KIAA0232: variants seen among roughly 807,000 people sequenced by gnomAD.
KIAA0232 encodes KIAA0232, also known as uncharacterized protein KIAA0232.
In KIAA0232, 27 loss-of-function variants were observed where a neutral mutation model predicts 122.0. The ratio of observed to expected loss-of-function variants is 0.22; its 90% confidence interval spans 0.16 to 0.31. The LOEUF is 0.31. Ranked by LOEUF, KIAA0232 falls within the 10% of genes least tolerant of loss-of-function variation. The probability of loss-of-function intolerance (pLI) is 1.00; values close to 1 mark genes in which losing one functional copy is unlikely to be tolerated. For synonymous variants in KIAA0232, 613 were observed against 587.6 expected (o/e 1.04, Z -0.63); for missense variants, 1,551 against 1,634.2 (o/e 0.95, Z 0.88).
intron 3 of KIAA0232, among the ~76,000 whole-genome samples, chr4:6,838,176 G>A (rs1230866507): frequency 6.9e-6 from 1 of 144,538 alleles, no homozygotes; most frequent in Non-Finnish European, 1.5e-5. Flanking sequence ...AAGTATGAGG[G>A]TAACAAAGAT....
At chr4:6,837,732 C>T (rs961036162) in intron 3 of KIAA0232, among the ~76,000 whole-genome samples, 3 of 152,152 alleles carry the variant, frequency 2.0e-5, no homozygotes, top group Non-Finnish European at 2.9e-5. Context: ...GCCAACACGG[C>T]GAAACCCCGT....
At chr4:6,851,884 C>G (rs1720305629) in intron 4 of KIAA0232, among the ~76,000 whole-genome samples, 1 of 152,134 alleles carries the variant, frequency 6.6e-6, no homozygotes, top group African/African-American at 2.4e-5. Flanking sequence ...TCCAGCTTCA[C>G]ACAGCACAGC....
chr4:6,873,297 C>G (rs978450389), intron 8 of KIAA0232, among the ~76,000 whole-genome samples: 1 of 152,214 alleles, frequency 6.6e-6, no homozygotes, highest in Non-Finnish European at 1.5e-5. Flanking sequence ...GAAGTTTTGC[C>G]CTCTACAGCA....
At chr4:6,789,496 A>G (rs1196786253) in intron 1 of KIAA0232, among the ~76,000 whole-genome samples, 1 of 121,798 alleles carries the variant, frequency 8.2e-6, no homozygotes, top group Non-Finnish European at 1.8e-5. Flanking sequence ...TTGGTCTTGA[A>G]CTCCTGACCT....
Position 6,795,066 on chromosome 4 carries a change from A to ATGTTTTGTTT in KIAA0232, c.-353-9445_-353-9436dup, listed in dbSNP as rs59110833. ...GTTAAATAAGGCAGCCACAAGCCAC[A>ATGTTTTGTTT]TGTTTTGTTTTGTTTTGTTTTTGAG... On this transcript the variant is annotated intron_variant, in intron 1 of 9. Coordinates refer to ENST00000307659, the MANE Select transcript of KIAA0232 (RefSeq NM_014743.3). Among the ~76,000 whole-genome samples the ATGTTTTGTTT allele has an allele frequency of 3.3e-3, 506 of 151,980 alleles. 5 individuals carry two copies. The highest frequency in any genetic ancestry group is 0.011 in the South Asian group (53 of 4,816).
Position 6,882,195 on chromosome 4 carries a change from C to T in KIAA0232, c.*1229C>T, listed in dbSNP as rs1722111451. Reference sequence around the variant, plus strand: ...CAGAGGCCAGGAGGAGCAGTATGTGCACAGCCGAAACATTTTACATTTTTT... The same window carrying T: ...CAGAGGCCAGGAGGAGCAGTATGTGTACAGCCGAAACATTTTACATTTTTT... On this transcript the variant is annotated 3_prime_UTR_variant, in exon 10 of 10. Coordinates refer to ENST00000307659, the MANE Select transcript of KIAA0232 (RefSeq NM_014743.3). 2 of 152,244 alleles carry T rather than the reference C, an allele frequency of 1.3e-5. No homozygotes were observed. Among genetic ancestry groups the T allele is most frequent in the Admixed American group, 1.3e-4 (2 of 15,284 alleles). 9.4% of individuals were successfully genotyped at this position (152,244 alleles called of 1,614,324 possible).
chr4:6,858,434 T>G lies in KIAA0232; in HGVS notation c.446T>G (p.Ile149Ser). 1 of 1,597,054 alleles carries G rather than the reference T, an allele frequency of 6.3e-7. No homozygotes were observed. Among genetic ancestry groups the G allele is most frequent in the Non-Finnish European group, 8.5e-7 (1 of 1,171,288 alleles). Residue 149 changes from isoleucine to serine, a missense_variant, in exon 6 of 10, where the codon ATT (isoleucine) becomes AGT (serine). Physicochemically the swap from Ile to Ser is moderately radical, Grantham distance 142. Coordinates refer to ENST00000307659, the MANE Select transcript of KIAA0232 (RefSeq NM_014743.3). ...TTTTGTTTCATAACAGAAGAGAAGA[T>G]TCACAAAAAGTTAGAGGGGTCTCCC... The part of the protein sequence containing the change: ...KDLQSKQEEK[I>S]HKKLEGSPSP...
chr4:6,791,887 G>C (rs745531156), intron 1 of KIAA0232, among the ~76,000 whole-genome samples: 32 of 152,140 alleles, frequency 2.1e-4, no homozygotes, highest in Non-Finnish European at 7.4e-5. Flanking sequence ...GGAGGGACCT[G>C]GTGGGAGGTG....
chr4:6,826,517 T>G (rs2109044812), intron 3 of KIAA0232, among the ~76,000 whole-genome samples: 1 of 151,714 alleles, frequency 6.6e-6, no homozygotes, highest in South Asian at 2.1e-4. Flanking sequence ...TTTTTTTTTT[T>G]TTTTGGAGAC....
At chr4:6,852,695 T>G (rs1164347273) in intron 4 of KIAA0232, among the ~76,000 whole-genome samples, 1 of 152,220 alleles carries the variant, frequency 6.6e-6, no homozygotes, top group African/African-American at 2.4e-5. Context: ...CACAATTCTG[T>G]GAGTTAGCTA....
intron 8 of KIAA0232, among the ~76,000 whole-genome samples, chr4:6,872,088 G>A (rs1035023336): frequency 6.6e-6 from 1 of 152,234 alleles, no homozygotes; most frequent in Non-Finnish European, 1.5e-5. Flanking sequence ...CAGGGCAGGA[G>A]CCTGTCAGAA....
chr4:6,806,272 TA>T (rs968990195), intron 2 of KIAA0232, among the ~76,000 whole-genome samples: 15 of 151,930 alleles, frequency 9.9e-5, no homozygotes, highest in East Asian at 7.7e-4. Context: ...TGATAACCTG[TA>T]AAAAAAAATT....
At chr4:6,820,904 G>C (rs924311078) in intron 2 of KIAA0232, among the ~76,000 whole-genome samples, 1 of 152,202 alleles carries the variant, frequency 6.6e-6, no homozygotes, top group Non-Finnish European at 1.5e-5. Context: ...TGTAGTGAGG[G>C]TCATGCCATG....
chr4:6,873,643 C>T (rs1011761239), intron 8 of KIAA0232, among the ~76,000 whole-genome samples: 5 of 147,968 alleles, frequency 3.4e-5, no homozygotes, highest in African/African-American at 1.1e-4. Flanking sequence ...TCCAGTTTCA[C>T]CTCTTAGCTC....
Position 6,871,663 on chromosome 4 carries a change from T to C in KIAA0232, c.3891T>C (p.Phe1297=). ...WWEKALYSPL[F]PASECEECYT... ...AAAAAGCCTTGTACTCTCCTCTTTT[T>C]CCTGCATCAGAGTGTGAAGGTAAGG... The change falls in exon 8 of 10, where the codon TTT becomes TTC. Residue 1297 remains phenylalanine, a synonymous_variant. Coordinates refer to ENST00000307659, the MANE Select transcript of KIAA0232 (RefSeq NM_014743.3). The C allele has an allele frequency of 6.2e-7, 1 of 1,607,110 alleles. No homozygotes were observed. Among genetic ancestry groups the C allele is most frequent in the Non-Finnish European group, 8.5e-7 (1 of 1,173,848 alleles).
At chr4:6,800,043 CTTTTTTTTTTTTTTTTTTTTT>C (rs752428517) in intron 1 of KIAA0232, among the ~76,000 whole-genome samples, 2 of 60,038 alleles carry the variant, frequency 3.3e-5, no homozygotes, top group Non-Finnish European at 7.1e-5. Flanking sequence ...TTCTTTCTTT[CTTTTTTTTTTTTTTTTTTTTT>C]TTTTTTTTTT....
chr4:6,807,577 A>G (rs577411652), intron 2 of KIAA0232, among the ~76,000 whole-genome samples: 13 of 152,300 alleles, frequency 8.5e-5, no homozygotes, highest in African/African-American at 3.1e-4. Context: ...GTCCATTTCT[A>G]CGTAGCTTTT....
chr4:6,845,784 T>C lies in KIAA0232; in HGVS notation c.369+3580T>C, dbSNP rs76123146. Among the ~76,000 whole-genome samples, 238 of 152,216 alleles carry C rather than the reference T, an allele frequency of 1.6e-3. 9 individuals carry two copies. In the East Asian group the frequency reaches 0.038, roughly 24 times the overall value. The stretch of plus-strand genomic sequence containing the variant: ...TTGACTCACGGTTAAGCTGGGGAAA[T>C]GACAGGGGCAGCTGAAATCAACTGA... On this transcript the variant is annotated intron_variant, in intron 4 of 9. Transcript: ENST00000307659.
intron 1 of KIAA0232, among the ~76,000 whole-genome samples, chr4:6,798,460 G>A (rs1717233669): frequency 6.6e-6 from 1 of 152,166 alleles, no homozygotes; most frequent in South Asian, 2.1e-4. Flanking sequence ...ACTACTTTGA[G>A]ACATATTTGA....
Sources: allele counts gnomAD v4.1 joint callset (sites outside exome capture counted in the v4.1 genomes callset), GRCh38; gene constraint gnomAD v4.1.1; transcripts MANE v1.5; gene names NCBI Gene and HGNC (gene_info 2026-07-23, HGNC 2026-07-21).